RHD: variants seen among roughly 807,000 people sequenced by gnomAD.
RHD encodes the protein blood group Rh(D) polypeptide.
Under a neutral mutation model 45.5 loss-of-function variants are expected in RHD, and 16 were observed. The observed-to-expected ratio is 0.35, with a 90% CI of 0.24 to 0.53. RHD has a LOEUF of 0.53. RHD is among the 20% of genes least tolerant of loss of function. The probability of loss-of-function intolerance (pLI) is 0.92; values close to 1 mark genes in which losing one functional copy is unlikely to be tolerated. For synonymous variants in RHD, 131 were observed against 217.5 expected, an observed-to-expected ratio of 0.60 and a Z score of 3.50; for missense variants, 306 against 532.0, an observed-to-expected ratio of 0.58 and a Z score of 4.18.
At chr1:25,313,011 T>C (rs1384651927) in intron 7 of RHD, among the ~76,000 whole-genome samples, 4 of 113,770 alleles carry the variant, frequency 3.5e-5, no homozygotes, top group Non-Finnish European at 7.9e-5. Context: ...TTTTGGGGGC[T>C]GGGGCAGGAT....
chr1:25,298,785 T>G (rs1304483560), intron 3 of RHD, among the ~76,000 whole-genome samples: 1 of 130,594 alleles, frequency 7.7e-6, no homozygotes, highest in African/African-American at 2.6e-5. Flanking sequence ...AGACTGCCAA[T>G]AAACAATAAA....
In RHD at chr1:25,300,241, C is replaced by T. The variant is rs189916973; in HGVS notation, c.487-705C>T. 7.6e-5 allele frequency among the ~76,000 whole-genome samples: 10 copies of T among 131,026 alleles called. 2 individuals carry two copies. The highest frequency in any genetic ancestry group is 2.1e-4 in the African/African-American group (8 of 38,126). 86.0% of individuals were successfully genotyped at this position (131,026 alleles called of 152,430 possible). ...AAGCATATAAGAGCTACTGATAGGC[C>T]GGGTGTGGTGGCTCATGCCTGTAAT... is the stretch of plus-strand genomic sequence containing the variant. On this transcript the variant is annotated intron_variant, in intron 3 of 9. Transcript: ENST00000328664.
intron 1 of RHD, among the ~76,000 whole-genome samples, chr1:25,278,488 G>A (rs533141408): frequency 3.8e-5 from 5 of 132,044 alleles, no homozygotes; most frequent in African/African-American, 1.3e-4. Flanking sequence ...CAGCTGGGCA[G>A]TTCTTCTGTT....
chr1:25,305,871 G>C (rs145885278), intron 6 of RHD, among the ~76,000 whole-genome samples: 1 of 131,134 alleles, frequency 7.6e-6, no homozygotes, highest in African/African-American at 2.6e-5. Flanking sequence ...CAAAGTGCTG[G>C]GATTACAGGC....
At position 25,329,730 on chromosome 1, in the gene RHD, T is replaced by C. The variant is rs143570282; in HGVS notation, c.*806T>C. 8.9e-3 allele frequency: 1,165 copies of C among 130,776 alleles called. 203 individuals are homozygous for C. The South Asian group carries it at 0.14, about 16-fold the overall frequency. The allele number at this position is 130,776 out of a possible 1,614,324, so 8.1% of individuals were successfully genotyped here. A position where few individuals can be genotyped will look rare whatever the true frequency, so the allele number is the denominator to read the frequency against. On this transcript the variant is annotated 3_prime_UTR_variant, in exon 10 of 10. Coordinates refer to ENST00000328664, the MANE Select transcript of RHD (RefSeq NM_016124.6). The stretch of plus-strand genomic sequence containing the variant: ...GTGCAGTGCCGCAATCTCGGCTCAC[T>C]GCAACCTCCGCCTCCCAGGTTCAAG...
Position 25,312,944 on chromosome 1 carries a change from A to AAAAAAAAAAAAC in RHD, c.1074-4055_1074-4044dup, listed in dbSNP as rs1644237753. ...CTAAAAAAAAAAAAAAAAAAAAAAA[A>AAAAAAAAAAAAC]AAAAAAAAAAACTTTAGTGCTATTG... On this transcript the variant is annotated intron_variant, in intron 7 of 9. Transcript: ENST00000328664. Among the ~76,000 whole-genome samples the AAAAAAAAAAAAC allele has an allele frequency of 1.8e-5, 2 of 109,944 alleles. 1 individual carries two copies. Among genetic ancestry groups the AAAAAAAAAAAAC allele is most frequent in the Non-Finnish European group, 4.4e-5 (2 of 45,644 alleles). 72.1% of individuals were successfully genotyped at this position (109,944 alleles called of 152,430 possible).
intron 3 of RHD, among the ~76,000 whole-genome samples, chr1:25,300,511 CAAA>C (rs59194477): frequency 0.017 from 1,629 of 96,512 alleles, 203 homozygotes; most frequent in African/African-American, 0.039. Context: ...GACTCTGTCT[CAAA>C]AAAAAAAAAA....
Position 25,280,026 on chromosome 1 carries a change from G to A in RHD, c.149-4547G>A, listed in dbSNP as rs1238819346. Among the ~76,000 whole-genome samples, 15 of 129,944 alleles carry A rather than the reference G, an allele frequency of 1.2e-4. 4 individuals are homozygous for A. The highest frequency in any genetic ancestry group is 1.8e-4 in the Non-Finnish European group (10 of 55,422). The allele number at this position is 129,944 out of a possible 152,430, so 85.2% of individuals were successfully genotyped here. ...ATGGATGGGTGGAAATGGGCCTGGA[G>A]CCCAGGAGAAGTGGGAGGATGAGGG... On this transcript the variant is annotated intron_variant, in intron 1 of 9. Transcript: ENST00000328664.
intron 1 of RHD, among the ~76,000 whole-genome samples, chr1:25,272,971 A>C (rs559026032): frequency 7.6e-6 from 1 of 131,838 alleles, no homozygotes; most frequent in South Asian, 2.3e-4. Flanking sequence ...CCTCTACCAA[A>C]TGGTCTTCAT....
In RHD at chr1:25,321,234, A is replaced by T. The variant is rs1426982403; in HGVS notation, c.1154-655A>T. On this transcript the variant is annotated intron_variant, in intron 8 of 9. Transcript: ENST00000328664. ...TTGGAGTCACCCTCCATAGTAGCCCATATGTCTTACATGGATCAGCTTTCG... is the reference window on the plus strand; with the variant it reads ...TTGGAGTCACCCTCCATAGTAGCCCTTATGTCTTACATGGATCAGCTTTCG... Among the ~76,000 whole-genome samples the T allele has an allele frequency of 3.1e-4, 40 of 127,780 alleles. 3 individuals carry two copies. The highest frequency in any genetic ancestry group is 8.8e-4 in the African/African-American group (33 of 37,714). The allele number at this position is 127,780 out of a possible 152,430, so 83.8% of individuals were successfully genotyped here. A position where few individuals can be genotyped will look rare whatever the true frequency, so the allele number is the denominator to read the frequency against.
At chr1:25,276,499 C>G (rs1251991590) in intron 1 of RHD, among the ~76,000 whole-genome samples, 10 of 102,744 alleles carry the variant, frequency 9.7e-5, no homozygotes, top group African/African-American at 3.4e-4. Context: ...TCAAGACGAG[C>G]CTAGGAAACA....
At chr1:25,306,827 C>G (rs980485059) in intron 7 of RHD, 98 bp downstream of exon 7, 1 of 1,102,620 alleles carries the variant, frequency 9.1e-7, no homozygotes, top group African/African-American at 1.5e-5. Context: ...GCACTCGGGG[C>G]CAGGTGCTCA....
Position 25,274,655 on chromosome 1 carries a change from A to G in RHD, c.148+1960A>G, listed in dbSNP as rs1374353590. Among the ~76,000 whole-genome samples the G allele has an allele frequency of 1.5e-5, 2 of 133,406 alleles. 1 individual carries two copies. The highest frequency in any genetic ancestry group is 3.6e-5 in the Non-Finnish European group (2 of 56,124). The allele number at this position is 133,406 out of a possible 152,430, so 87.5% of individuals were successfully genotyped here. On this transcript the variant is annotated intron_variant, in intron 1 of 9. Transcript: ENST00000328664. The stretch of plus-strand genomic sequence containing the variant: ...GGGCACAGTGGGTGCCATGGCGTGC[A>G]CACACAATAGAGCAGACTGAGCCTG...
intron 5 of RHD, among the ~76,000 whole-genome samples, chr1:25,302,189 A>C (rs1290142694): frequency 1.5e-5 from 2 of 131,420 alleles, no homozygotes; most frequent in African/African-American, 2.6e-5. Flanking sequence ...GTGCATGTAA[A>C]GTGCTTAACG....
rs192543340 is a variant in RHD at position 25,274,639 on chromosome 1, G to T, written c.148+1944G>T. 1.1e-3 allele frequency among the ~76,000 whole-genome samples: 151 copies of T among 133,414 alleles called. 23 individuals are homozygous for T. Among genetic ancestry groups the T allele is most frequent in the African/African-American group, 3.3e-3 (131 of 39,178 alleles). 87.5% of individuals were successfully genotyped at this position (133,414 alleles called of 152,430 possible). A position where few individuals can be genotyped will look rare whatever the true frequency, so the allele number is the denominator to read the frequency against. On this transcript the variant is annotated intron_variant, in intron 1 of 9. Coordinates refer to ENST00000328664, the MANE Select transcript of RHD (RefSeq NM_016124.6). ...AGGGTCATCCAAGTGAGGGCACAGT[G>T]GGTGCCATGGCGTGCACACACAATA...
intron 9 of RHD, 119 bp downstream of exon 9, chr1:25,322,081 G>A: frequency 1.8e-6 from 1 of 558,132 alleles, no homozygotes; most frequent in South Asian, 1.6e-5. Flanking sequence ...GGAGTAAGGA[G>A]CATTGCAGGA....
chr1:25,272,573 T>A lies in RHD; in HGVS notation c.26T>A (p.Val9Asp), dbSNP rs1393968550. 6.3e-7 allele frequency: 1 copy of A among 1,583,400 alleles called. No homozygotes were observed. The highest frequency in any genetic ancestry group is 8.6e-7 in the Non-Finnish European group (1 of 1,158,364). The change falls in exon 1 of 10, where the codon GTC becomes GAC. Residue 9 changes from valine to aspartate, a missense_variant. Physicochemically the swap from Val to Asp is radical, Grantham distance 152 (BLOSUM62 -3). Transcript: ENST00000328664. ...ATGAGCTCTAAGTACCCGCGGTCTG[T>A]CCGGCGCTGCCTGCCCCTCTGGGCC... The part of the protein sequence containing the change: MSSKYPRS[V>D]RRCLPLWALT...
intron 1 of RHD, among the ~76,000 whole-genome samples, chr1:25,274,235 G>T (rs1640738247): frequency 7.6e-6 from 1 of 132,056 alleles, no homozygotes; most frequent in Non-Finnish European, 1.8e-5. Flanking sequence ...CTAGGCATAT[G>T]GATGTTGAGT....
In RHD at chr1:25,321,957, T is replaced by C; in HGVS notation, c.1222T>C (p.Trp408Arg). The change falls in exon 9 of 10, where the codon TGG becomes CGG. Residue 408 changes from tryptophan (W) to arginine (R), a missense_variant. By Grantham distance (101) the Trp-to-Arg change is moderately radical (BLOSUM62 -3). Coordinates refer to ENST00000328664, the MANE Select transcript of RHD (RefSeq NM_016124.6). ...EAKYFDDQVF[W>R]KFPHLAVGF ...TAAATATTTTGATGACCAAGTTTTC[T>C]GGAAGGTAAGATTTTTCACCTATTA... 7.6e-7 allele frequency: 1 copy of C among 1,312,782 alleles called. No homozygotes were observed. Among genetic ancestry groups the C allele is most frequent in the Non-Finnish European group, 1.1e-6 (1 of 918,992 alleles). 81.3% of individuals were successfully genotyped at this position (1,312,782 alleles called of 1,614,324 possible).
Sources: gnomAD v4.1 joint callset for allele counts (sites outside exome capture counted in the v4.1 genomes callset) on GRCh38, gnomAD v4.1.1 for gene constraint, MANE v1.5 for transcripts, NCBI Gene and HGNC (gene_info 2026-07-23, HGNC 2026-07-21) for gene names.